Variants in PAK5 observed in about 807,000 individuals in gnomAD.
PAK5 encodes p21 (RAC1) activated kinase 5, also known as serine/threonine-protein kinase PAK 5.
Under a neutral mutation model 65.9 loss-of-function variants are expected in PAK5, and 16 were observed. The ratio of observed to expected loss-of-function variants is 0.24; its 90% CI spans 0.16 to 0.37. PAK5 has a LOEUF of 0.37. PAK5 is among the 10% of genes least tolerant of loss of function. The pLI is 1.00. For missense variants in PAK5, 785 were observed against 903.9 expected, an observed-to-expected ratio of 0.87 and a Z score of 1.69; for synonymous variants, 371 against 354.9, an observed-to-expected ratio of 1.05 and a Z score of -0.51.
intron 6 of PAK5, among the ~76,000 whole-genome samples, chr20:9,560,164 A>T (rs909514579): frequency 6.6e-6 from 1 of 152,212 alleles, no homozygotes; most frequent in Non-Finnish European, 1.5e-5. Flanking sequence ...ATTTGACTGG[A>T]ACACGTGACA....
At chr20:9,737,235 C>T (rs2048399706) in intron 1 of PAK5, among the ~76,000 whole-genome samples, 1 of 152,006 alleles carries the variant, frequency 6.6e-6, no homozygotes, top group Admixed American at 6.6e-5. Flanking sequence ...GATAAAAAAG[C>T]AAGACTCAAC....
At chr20:9,582,377 G>A (rs2045994441) in intron 3 of PAK5, among the ~76,000 whole-genome samples, 1 of 152,170 alleles carries the variant, frequency 6.6e-6, no homozygotes, top group Non-Finnish European at 1.5e-5. Flanking sequence ...TTTGGAGAAT[G>A]TTCCTCCATT....
chr20:9,630,760 T>C (rs1438917975), intron 3 of PAK5, among the ~76,000 whole-genome samples: 1 of 152,208 alleles, frequency 6.6e-6, no homozygotes, highest in Non-Finnish European at 1.5e-5. Context: ...TTCCCATGCC[T>C]TGAAATGTAA....
chr20:9,640,586 C>A (rs2047043055), intron 3 of PAK5, among the ~76,000 whole-genome samples: 1 of 152,158 alleles, frequency 6.6e-6, no homozygotes, highest in South Asian at 2.1e-4. Context: ...TTGGTGGGTT[C>A]TTGGTCTCAC....
At chr20:9,713,564 C>T (rs749809329) in intron 1 of PAK5, among the ~76,000 whole-genome samples, 1 of 152,034 alleles carries the variant, frequency 6.6e-6, no homozygotes, top group Non-Finnish European at 1.5e-5. Context: ...TCTCCACATC[C>T]ATGTTTATTT....
intron 1 of PAK5, among the ~76,000 whole-genome samples, chr20:9,765,477 T>C (rs2048746682): frequency 6.6e-6 from 1 of 151,998 alleles, no homozygotes; most frequent in South Asian, 2.1e-4. Flanking sequence ...ATTCCAATTA[T>C]AAAAAGTGAA....
intron 3 of PAK5, among the ~76,000 whole-genome samples, chr20:9,635,305 C>A (rs1157248367): frequency 6.6e-6 from 1 of 152,146 alleles, no homozygotes; most frequent in East Asian, 1.9e-4. Context: ...GGGTCTGACC[C>A]TTAAATAAAT....
At chr20:9,811,476 T>A (rs1329337820) in intron 1 of PAK5, among the ~76,000 whole-genome samples, 1 of 152,194 alleles carries the variant, frequency 6.6e-6, no homozygotes, top group Non-Finnish European at 1.5e-5. Context: ...GGGATATTAG[T>A]CTAATAATAC....
At chr20:9,587,679 G>C (rs1401311238) in intron 3 of PAK5, among the ~76,000 whole-genome samples, 1 of 152,114 alleles carries the variant, frequency 6.6e-6, no homozygotes, top group African/African-American at 2.4e-5. Flanking sequence ...GTAGGTCTGG[G>C]TGGGGCCTGG....
intron 1 of PAK5, among the ~76,000 whole-genome samples, chr20:9,752,423 G>T (rs1013569813): frequency 6.6e-6 from 1 of 152,044 alleles, no homozygotes; most frequent in Non-Finnish European, 1.5e-5. Flanking sequence ...AACGGATTAG[G>T]GATGGCCAAG....
chr20:9,756,323 G>A lies in PAK5; in HGVS notation c.-161-44888C>T, dbSNP rs742448. Among the ~76,000 whole-genome samples the A allele has an allele frequency of 1.6e-3, 242 of 152,240 alleles. 1 individual carries two copies. The highest frequency in any genetic ancestry group is 5.6e-3 in the African/African-American group (232 of 41,556). On this transcript the variant is annotated intron_variant, in intron 1 of 9. Coordinates refer to ENST00000353224, the MANE Select transcript of PAK5 (RefSeq NM_177990.4). ...TTAGTTGAGCCAAAAATGTATCTAC[G>A]TATCTGGTTCTCTGATGCATTGGGT...
At chr20:9,542,522 A>G (rs1481456703) in intron 9 of PAK5, 64 bp downstream of exon 9, 24 of 1,555,004 alleles carry the variant, frequency 1.5e-5, no homozygotes, top group East Asian at 4.5e-5. Context: ...AGTCTTAAAA[A>G]CCAGAGAGAT....
At chr20:9,625,058 TACCACCACTGCC>T (rs1350691719) in intron 3 of PAK5, among the ~76,000 whole-genome samples, 1 of 152,088 alleles carries the variant, frequency 6.6e-6, no homozygotes, top group Non-Finnish European at 1.5e-5. Flanking sequence ...TTACTACCAC[TACCACCACTGCC>T]ACCACCACAT....
intron 1 of PAK5, among the ~76,000 whole-genome samples, chr20:9,763,446 C>CA (rs1291888909): frequency 6.6e-6 from 1 of 151,318 alleles, no homozygotes; most frequent in African/African-American, 2.4e-5. Flanking sequence ...AACCATTCTG[C>CA]AAAAAAGTAG....
chr20:9,634,720 A>G (rs900817544), intron 3 of PAK5, among the ~76,000 whole-genome samples: 9 of 152,132 alleles, frequency 5.9e-5, no homozygotes, highest in African/African-American at 2.2e-4. Flanking sequence ...TTCTTCTTTT[A>G]TTTGGAAACA....
chr20:9,799,286 C>G (rs1391838934), intron 1 of PAK5, among the ~76,000 whole-genome samples: 1 of 152,120 alleles, frequency 6.6e-6, no homozygotes, highest in Non-Finnish European at 1.5e-5. Context: ...CAACTTTTTT[C>G]ACTGCTGTCC....
In PAK5 at chr20:9,537,780, T is replaced by C. The variant is rs1382245844; in HGVS notation, c.*1682A>G. 3 of 222,076 alleles carry C rather than the reference T, an allele frequency of 1.4e-5. No homozygotes were observed. The highest frequency in any genetic ancestry group is 4.5e-5 in the African/African-American group (2 of 44,556). The allele number at this position is 222,076 out of a possible 1,614,324, so 13.8% of individuals were successfully genotyped here. The stretch of plus-strand genomic sequence containing the variant: ...TTTACATAAAACATTGATTTGCTGT[T>C]TTATGAAGCAAAATCATAGATCATA... On this transcript the variant is annotated 3_prime_UTR_variant, in exon 10 of 10. Transcript: ENST00000353224.
At position 9,837,979 on chromosome 20, in the gene PAK5, C is replaced by T. The variant is rs138967815; in HGVS notation, c.-162+783G>A. On this transcript the variant is annotated intron_variant, in intron 1 of 9. Coordinates refer to ENST00000353224, the MANE Select transcript of PAK5 (RefSeq NM_177990.4). Reference sequence around the variant, plus strand: ...GAGTTGAAAGCTCCATATACACACACATGGTTTCAAGAAGGGCGATCGCGC... The same window carrying T: ...GAGTTGAAAGCTCCATATACACACATATGGTTTCAAGAAGGGCGATCGCGC... Among the ~76,000 whole-genome samples, 604 of 152,278 alleles carry T rather than the reference C, an allele frequency of 4.0e-3. 1 individual carries two copies. The highest frequency in any genetic ancestry group is 0.014 in the African/African-American group (576 of 41,552).
intron 2 of PAK5, among the ~76,000 whole-genome samples, chr20:9,661,707 TCTTCATTCTAAAGGCATTTTAGAATGC>T (rs958000077): frequency 1.8e-4 from 28 of 152,262 alleles, no homozygotes; most frequent in African/African-American, 4.1e-4. Flanking sequence ...GGAAGAGGGG[TCTTCATTCTAAAGGCATTTTAGAATGC>T]CTTCATTCTA....
Sources: gnomAD v4.1 joint callset for allele counts (sites outside exome capture counted in the v4.1 genomes callset) on GRCh38, gnomAD v4.1.1 for gene constraint, MANE v1.5 for transcripts, NCBI Gene and HGNC (gene_info 2026-07-23, HGNC 2026-07-21) for gene names.